Variants in GZMK observed in about 807,000 individuals in gnomAD.
GZMK encodes NK-Tryp-2.
A neutral mutation model predicts 22.8 loss-of-function variants in GZMK; 18 were observed. That is an observed-to-expected ratio of 0.79 (90% CI 0.54 to 1.17). The LOEUF (loss-of-function observed/expected upper bound fraction) is 1.17, where lower values mean the gene tolerates loss of function less well. GZMK is among the 50% of genes most tolerant of loss of function. The pLI, the probability that GZMK is intolerant of heterozygous loss-of-function variation, is 0.00. For synonymous variants in GZMK, 136 were observed against 115.0 expected (o/e 1.18, Z -1.17); for missense variants, 342 against 320.2 (o/e 1.07, Z -0.52).
At chr5:55,033,119 T>A (rs1342798216) in intron 4 of GZMK, among the ~76,000 whole-genome samples, 2 of 152,230 alleles carry the variant, frequency 1.3e-5, no homozygotes, top group Non-Finnish European at 2.9e-5. Context: ...GCTCTTTCCC[T>A]TCACTTGATA....
rs72151093 is a variant in GZMK at position 55,029,542 on chromosome 5, TTTTGTTTGTTTG to T, written c.213-868_213-857del. On this transcript the variant is annotated intron_variant, in intron 2 of 4. Coordinates refer to ENST00000231009, the MANE Select transcript of GZMK (RefSeq NM_002104.3). ...AGTGTAGGGTGGGGATCTTTGTGGT[TTTTGTTTGTTTG>T]TTTGTTTGTTTGTTTGTTTGTTTTT... Among the ~76,000 whole-genome samples, 649 of 150,502 alleles carry T rather than the reference TTTTGTTTGTTTG, an allele frequency of 4.3e-3. 4 individuals are homozygous for T. Among genetic ancestry groups the T allele is most frequent in the African/African-American group, 0.015 (607 of 40,822 alleles).
chr5:55,033,939 T>C lies in GZMK; in HGVS notation c.*13T>C. ...TCATACAAATTAAGTTACAAATAAT[T>C]TTATTGGATGCACTTGCTTCTTTTT... On this transcript the variant is annotated 3_prime_UTR_variant, in exon 5 of 5. Coordinates refer to ENST00000231009, the MANE Select transcript of GZMK (RefSeq NM_002104.3). The C allele has an allele frequency of 6.3e-7, 1 of 1,598,178 alleles. No homozygotes were observed. The highest frequency in any genetic ancestry group is 8.5e-7 in the Non-Finnish European group (1 of 1,173,302).
At chr5:55,027,679 A>G (rs1349594880) in intron 2 of GZMK, 1 of 152,236 alleles carries the variant, frequency 6.6e-6, no homozygotes, top group Non-Finnish European at 1.5e-5. Context: ...GTTAGGCTCA[A>G]TGGAGACAAT....
chr5:55,030,606 C>T lies in GZMK; in HGVS notation c.363+22C>T, dbSNP rs995033036. The T allele has an allele frequency of 3.1e-6, 5 of 1,591,612 alleles. No homozygotes were observed. The South Asian group carries it at 5.6e-5, about 18-fold the overall frequency. On this transcript the variant is annotated intron_variant, in intron 3 of 4. Transcript: ENST00000231009. Reference sequence around the variant, plus strand: ...TAAGGTAGGTAGTAGCATTGTCTTCCTTCTATTTTGTCAACATTTTTATAC... The same window carrying T: ...TAAGGTAGGTAGTAGCATTGTCTTCTTTCTATTTTGTCAACATTTTTATAC...
In GZMK at chr5:55,024,738, G is replaced by A; in HGVS notation, c.143G>A (p.Gly48Glu). The change falls in exon 2 of 5, where the codon GGA becomes GAA. Residue 48 changes from glycine to glutamate, a missense_variant. Transcript: ENST00000231009. ...RPFMASIQYG[G>E]HHVCGGVLID... ...TTTATGGCCTCCATCCAGTATGGCGGACATCACGTTTGTGGAGGTGTTCTG... is the reference window on the plus strand; with the variant it reads ...TTTATGGCCTCCATCCAGTATGGCGAACATCACGTTTGTGGAGGTGTTCTG... 1 of 1,611,106 alleles carries A rather than the reference G, an allele frequency of 6.2e-7. No homozygotes were observed. The highest frequency in any genetic ancestry group is 8.5e-7 in the Non-Finnish European group (1 of 1,177,262).
chr5:55,031,275 TA>T, intron 3 of GZMK, 88 bp from the exon 4 acceptor site: 1 of 1,129,450 alleles, frequency 8.9e-7, no homozygotes, highest in Non-Finnish European at 1.3e-6. Context: ...GACGCCCGCC[TA>T]AGACAGAGGG....
chr5:55,030,914 C>T lies in GZMK; in HGVS notation c.363+330C>T, dbSNP rs537965479. Among the ~76,000 whole-genome samples, 8 of 152,304 alleles carry T rather than the reference C, an allele frequency of 5.3e-5. No individual in the cohort carries two copies. The South Asian group carries it at 1.7e-3, about 32-fold the overall frequency. On this transcript the variant is annotated intron_variant, in intron 3 of 4. Coordinates refer to ENST00000231009, the MANE Select transcript of GZMK (RefSeq NM_002104.3). ...CTCATTAGCAAGTAAAAAAATACAACAGTTGTTTATACAACAGAGCCAACC... is the reference window on the plus strand; with the variant it reads ...CTCATTAGCAAGTAAAAAAATACAATAGTTGTTTATACAACAGAGCCAACC...
At chr5:55,024,569 T>C (rs1741114669) in intron 1 of GZMK, 91 bp from the exon 2 acceptor site, 3 of 1,022,542 alleles carry the variant, frequency 2.9e-6, no homozygotes, top group Non-Finnish European at 4.3e-6. Context: ...TTTTTTAAGC[T>C]TTGAAAATAA....
chr5:55,024,956 C>T (rs756428799), intron 2 of GZMK, 149 bp downstream of exon 2: 52 of 507,374 alleles, frequency 1.0e-4, no homozygotes, highest in Non-Finnish European at 1.5e-4. Context: ...CCTTCTTCCA[C>T]ATCCACGCTT....
At chr5:55,025,003 T>C in intron 2 of GZMK, 196 bp downstream of exon 2, 1 of 434,220 alleles carries the variant, frequency 2.3e-6, no homozygotes, top group Non-Finnish European at 4.1e-6. Flanking sequence ...AGAACTGAGC[T>C]GCTTTTCCCA....
intron 1 of GZMK, 116 bp from the exon 2 acceptor site, chr5:55,024,544 G>T (rs917275082): frequency 1.1e-5 from 9 of 821,332 alleles, no homozygotes; most frequent in South Asian, 1.8e-5. Flanking sequence ...TAGCTTTTAG[G>T]TAGGGTTATT....
At position 55,034,129 on chromosome 5, in the gene GZMK, A is replaced by G. The variant is rs1741280471; in HGVS notation, c.*203A>G. ...TTTTATTCTAAATAAAATTTAGAAGACTCTCTGTTTGTCTTTTATCACATG... is the reference window on the plus strand; with the variant it reads ...TTTTATTCTAAATAAAATTTAGAAGGCTCTCTGTTTGTCTTTTATCACATG... On this transcript the variant is annotated 3_prime_UTR_variant, in exon 5 of 5. Coordinates refer to ENST00000231009, the MANE Select transcript of GZMK (RefSeq NM_002104.3). 2.0e-6 allele frequency: 1 copy of G among 503,678 alleles called. No individual in the cohort carries two copies. Among genetic ancestry groups the G allele is most frequent in the East Asian group, 3.3e-5 (1 of 30,520 alleles). 31.2% of individuals were successfully genotyped at this position (503,678 alleles called of 1,614,324 possible).
Position 55,031,575 on chromosome 5 carries a change from T to A in GZMK, c.575T>A (p.Phe192Tyr). ...CAAAGTTACTACAACGGCGACCCTT[T>A]TATCACCAAAGACATGGTCTGTGCA... ...NSQSYYNGDP[F>Y]ITKDMVCAGD... Residue 192 changes from phenylalanine to tyrosine, a missense_variant, in exon 4 of 5, where the codon TTT becomes TAT. Transcript: ENST00000231009. 6.2e-7 allele frequency: 1 copy of A among 1,613,976 alleles called. No homozygotes were observed. Among genetic ancestry groups the A allele is most frequent in the Non-Finnish European group, 8.5e-7 (1 of 1,179,834 alleles).
At chr5:55,029,478 A>C (rs1561257953) in intron 2 of GZMK, among the ~76,000 whole-genome samples, 1 of 152,210 alleles carries the variant, frequency 6.6e-6, no homozygotes, top group East Asian at 1.9e-4. Context: ...TTACTTCCCC[A>C]CATTGACCTG....
chr5:55,032,993 G>T (rs975350532), intron 4 of GZMK, among the ~76,000 whole-genome samples: 2 of 152,174 alleles, frequency 1.3e-5, no homozygotes, highest in Non-Finnish European at 2.9e-5. Flanking sequence ...CGGTTATCAT[G>T]GTTGACCAAA....
At chr5:55,027,663 GT>G (rs2111609894) in intron 2 of GZMK, 1 of 152,368 alleles carries the variant, frequency 6.6e-6, no homozygotes, top group East Asian at 1.9e-4. Flanking sequence ...CTTGAAAAAG[GT>G]TATTGTTAGG....
chr5:55,027,145 T>A (rs1394171384), intron 2 of GZMK: 1 of 152,234 alleles, frequency 6.6e-6, no homozygotes, highest in African/African-American at 2.4e-5. Context: ...GGGATTGTCA[T>A]AATACCTATC....
chr5:55,033,096 C>T (rs1741258953), intron 4 of GZMK, among the ~76,000 whole-genome samples: 1 of 152,184 alleles, frequency 6.6e-6, no homozygotes, highest in African/African-American at 2.4e-5. Context: ...AAGGCCATGC[C>T]ATCCCCTCTA....
chr5:55,025,278 T>G (rs1316981960), intron 2 of GZMK, among the ~76,000 whole-genome samples: 2 of 152,112 alleles, frequency 1.3e-5, no homozygotes, highest in East Asian at 3.9e-4. Flanking sequence ...CACAAAAAAA[T>G]TGCAGCTATT....
Sources: gnomAD v4.1 joint callset for allele counts (sites outside exome capture counted in the v4.1 genomes callset) on GRCh38, gnomAD v4.1.1 for gene constraint, MANE v1.5 for transcripts, NCBI Gene and HGNC (gene_info 2026-07-23, HGNC 2026-07-21) for gene names.